The following MYT1L variants were observed in gnomAD, a reference collection of about 807,000 sequenced individuals.
MYT1L encodes myelin transcription factor 1-like protein.
Under a neutral mutation model 126.7 loss-of-function variants are expected in MYT1L, and 12 were observed. The observed-to-expected ratio is 0.09, with a 90% CI of 0.06 to 0.15. The LOEUF (loss-of-function observed/expected upper bound fraction) is 0.15, where lower values mean the gene tolerates loss of function less well. Ranked by LOEUF, MYT1L falls within the 10% of genes least tolerant of loss-of-function variation. The probability of loss-of-function intolerance (pLI) is 1.00; values close to 1 mark genes in which losing one functional copy is unlikely to be tolerated. For synonymous variants in MYT1L, 541 were observed against 604.2 expected (o/e 0.90, Z 1.53); for missense variants, 979 against 1,585.2 (o/e 0.62, Z 6.49).
chr2:2,279,620 A>G (rs905083650), intron 2 of MYT1L, among the ~76,000 whole-genome samples: 5 of 131,356 alleles, frequency 3.8e-5, no homozygotes, highest in Admixed American at 2.9e-4. Flanking sequence ...AATCAAGATT[A>G]TCCCTCAAAT....
At chr2:2,325,802 A>C (rs763280470) in intron 1 of MYT1L, 1 of 152,394 alleles carries the variant, frequency 6.6e-6, no homozygotes, top group South Asian at 2.1e-4. Flanking sequence ...ATGGCATTAC[A>C]CTGAAGGAGA....
At chr2:2,301,864 G>A (rs902887270) in intron 1 of MYT1L, among the ~76,000 whole-genome samples, 15 of 151,280 alleles carry the variant, frequency 9.9e-5, no homozygotes, top group African/African-American at 3.4e-4. Flanking sequence ...TTTACATATG[G>A]TCATATCATA....
chr2:2,029,540 A>AC (rs1320922670), intron 4 of MYT1L, among the ~76,000 whole-genome samples: 2 of 152,164 alleles, frequency 1.3e-5, no homozygotes, highest in Admixed American at 1.3e-4. Flanking sequence ...ACCTGGTCCC[A>AC]CCCTTGACAC....
At chr2:1,908,302 C>T (rs992020676) in intron 13 of MYT1L, among the ~76,000 whole-genome samples, 58 of 152,328 alleles carry the variant, frequency 3.8e-4, no homozygotes, top group African/African-American at 1.3e-3. Context: ...CTCCAGCTGC[C>T]ATGAGCTTCT....
At chr2:2,289,915 TC>T (rs1472806433) in intron 1 of MYT1L, among the ~76,000 whole-genome samples, 12 of 152,176 alleles carry the variant, frequency 7.9e-5, no homozygotes, top group Admixed American at 3.3e-4. Flanking sequence ...AAGGGCAGGT[TC>T]CCAGGAGGCA....
chr2:1,964,592 GA>G (rs962716226), intron 8 of MYT1L, among the ~76,000 whole-genome samples: 10 of 152,180 alleles, frequency 6.6e-5, no homozygotes, highest in African/African-American at 2.4e-4. Context: ...TTGATCCAAA[GA>G]AAAACAAGGG....
chr2:1,881,171 G>A (rs971528256), intron 18 of MYT1L, among the ~76,000 whole-genome samples: 9 of 152,120 alleles, frequency 5.9e-5, no homozygotes, highest in Non-Finnish European at 1.2e-4. Context: ...AGAAAGATTC[G>A]CAGCAGGGAC....
chr2:2,104,589 G>A (rs967505099), intron 3 of MYT1L, among the ~76,000 whole-genome samples: 1 of 152,232 alleles, frequency 6.6e-6, no homozygotes, highest in Non-Finnish European at 1.5e-5. Context: ...GGGCCAGAGA[G>A]GCATCCCTGA....
chr2:1,874,855 G>C (rs1387634109), intron 18 of MYT1L, among the ~76,000 whole-genome samples: 1 of 152,086 alleles, frequency 6.6e-6, no homozygotes, highest in Non-Finnish European at 1.5e-5. Context: ...TTTCAGGCTC[G>C]CGTGAACTTC....
At chr2:2,088,459 G>C (rs529406786) in intron 3 of MYT1L, among the ~76,000 whole-genome samples, 20 of 152,196 alleles carry the variant, frequency 1.3e-4, no homozygotes, top group African/African-American at 4.8e-4. Flanking sequence ...ACAGTAGGCT[G>C]TTGGCCTGGG....
At chr2:2,211,853 G>A (rs1437483877) in intron 2 of MYT1L, among the ~76,000 whole-genome samples, 1 of 144,252 alleles carries the variant, frequency 6.9e-6, no homozygotes, top group Non-Finnish European at 1.5e-5. Context: ...AATGCTTCTA[G>A]AACATTATAA....
chr2:2,288,046 A>G (rs1232924992), intron 1 of MYT1L, among the ~76,000 whole-genome samples: 5 of 152,138 alleles, frequency 3.3e-5, no homozygotes, highest in Non-Finnish European at 5.9e-5. Flanking sequence ...CCCTAGATAG[A>G]TCATCTGGTC....
chr2:2,140,407 GTCTT>G, intron 3 of MYT1L, among the ~76,000 whole-genome samples: 1 of 143,448 alleles, frequency 7.0e-6, no homozygotes. Context: ...ATGGATCAAT[GTCTT>G]TATTTTTTTT....
intron 2 of MYT1L, among the ~76,000 whole-genome samples, chr2:2,268,532 T>C (rs924647572): frequency 6.6e-6 from 1 of 152,330 alleles, no homozygotes; most frequent in African/African-American, 2.4e-5. Context: ...CAAAAGTTGC[T>C]GTTTAACATT....
At chr2:2,255,769 G>A (rs1029193246) in intron 2 of MYT1L, among the ~76,000 whole-genome samples, 6 of 152,070 alleles carry the variant, frequency 3.9e-5, no homozygotes, top group Admixed American at 2.0e-4. Context: ...TGGCTGTTGT[G>A]AAACAAAGCA....
At chr2:2,246,255 G>A (rs2094533012) in intron 2 of MYT1L, among the ~76,000 whole-genome samples, 3 of 152,168 alleles carry the variant, frequency 2.0e-5, no homozygotes, top group African/African-American at 4.8e-5. Context: ...GCCCCCAGGA[G>A]TGGAGAGCTT....
chr2:1,940,380 C>T (rs369387042), intron 9 of MYT1L, among the ~76,000 whole-genome samples: 1 of 149,596 alleles, frequency 6.7e-6, no homozygotes, highest in Admixed American at 6.7e-5. Context: ...ACTGTGGCTG[C>T]ACCCTGCCAG....
intron 15 of MYT1L, among the ~76,000 whole-genome samples, chr2:1,891,497 A>G (rs904376786): frequency 3.3e-5 from 5 of 152,232 alleles, no homozygotes; most frequent in African/African-American, 1.2e-4. Flanking sequence ...TATGCCTTTC[A>G]TAGCACTATA....
At chr2:2,169,047 T>C (rs2089610172) in intron 3 of MYT1L, among the ~76,000 whole-genome samples, 1 of 152,208 alleles carries the variant, frequency 6.6e-6, no homozygotes, top group Non-Finnish European at 1.5e-5. Flanking sequence ...ATGTAATCCT[T>C]GTAACAGTTC....
Sources: gnomAD v4.1 joint callset for allele counts (sites outside exome capture counted in the v4.1 genomes callset) on GRCh38, gnomAD v4.1.1 for gene constraint, MANE v1.5 for transcripts, NCBI Gene and HGNC (gene_info 2026-07-23, HGNC 2026-07-21) for gene names.